The following CCDC172 variants were observed in gnomAD, a reference collection of about 807,000 sequenced individuals.
CCDC172 encodes the protein coiled-coil domain-containing protein 172.
A neutral mutation model predicts 38.0 loss-of-function variants in CCDC172; 30 were observed. That is an observed-to-expected ratio of 0.79 (90% CI 0.59 to 1.07). The LOEUF (loss-of-function observed/expected upper bound fraction) is 1.07. Ranked by LOEUF, CCDC172 falls within the 50% of genes least tolerant of loss-of-function variation. The pLI is 0.00. For synonymous variants in CCDC172, 78 were observed against 88.3 expected (o/e 0.88, Z 0.66); for missense variants, 297 against 290.1 (o/e 1.02, Z -0.17).
At chr10:116,333,938 C>T (rs1301546254) in intron 3 of CCDC172, among the ~76,000 whole-genome samples, 5 of 152,220 alleles carry the variant, frequency 3.3e-5, no homozygotes, top group African/African-American at 7.2e-5. Context: ...AAGAATTTCT[C>T]GTGTAGGCTT....
intron 6 of CCDC172, 56 bp from the exon 7 acceptor site, chr10:116,357,780 A>T: frequency 1.0e-6 from 1 of 953,676 alleles, no homozygotes. Context: ...GAGTGAATAA[A>T]GATAATCTTT....
chr10:116,374,971 C>G (rs1821272463), intron 7 of CCDC172, among the ~76,000 whole-genome samples: 1 of 150,748 alleles, frequency 6.6e-6, no homozygotes, highest in Non-Finnish European at 1.5e-5. Context: ...CTTATCAACA[C>G]CTGGTACTGC....
chr10:116,345,158 T>C (rs1189042107), intron 5 of CCDC172, among the ~76,000 whole-genome samples: 1 of 152,186 alleles, frequency 6.6e-6, no homozygotes, highest in African/African-American at 2.4e-5. Context: ...AAAATAGGCA[T>C]ATAAATAGCT....
chr10:116,354,806 G>A (rs1844974048), intron 5 of CCDC172, among the ~76,000 whole-genome samples: 1 of 152,178 alleles, frequency 6.6e-6, no homozygotes, highest in Admixed American at 6.5e-5. Flanking sequence ...CTTCCAGTAG[G>A]GGCTTGTCTT....
intron 3 of CCDC172, among the ~76,000 whole-genome samples, chr10:116,334,679 A>T (rs1844708464): frequency 6.6e-6 from 1 of 152,012 alleles, no homozygotes; most frequent in African/African-American, 2.4e-5. Context: ...CATTGCAGTG[A>T]TAACTGTATA....
At chr10:116,355,071 A>G (rs1012399130) in intron 5 of CCDC172, among the ~76,000 whole-genome samples, 5 of 152,214 alleles carry the variant, frequency 3.3e-5, no homozygotes, top group Non-Finnish European at 7.3e-5. Context: ...AAAGAAAAAT[A>G]TTTTTAAAGT....
intron 5 of CCDC172, among the ~76,000 whole-genome samples, chr10:116,355,953 T>C (rs1270418022): frequency 6.6e-6 from 1 of 152,086 alleles, no homozygotes; most frequent in African/African-American, 2.4e-5. Context: ...TTGTATACTT[T>C]AAAAGGATGA....
chr10:116,357,133 T>C (rs1845007197), intron 5 of CCDC172, among the ~76,000 whole-genome samples: 1 of 152,160 alleles, frequency 6.6e-6, no homozygotes, highest in Non-Finnish European at 1.5e-5. Context: ...TTTTTCTATT[T>C]CTGTGAAGAA....
intron 7 of CCDC172, among the ~76,000 whole-genome samples, chr10:116,366,439 A>G (rs1845123648): frequency 6.6e-6 from 1 of 152,222 alleles, no homozygotes; most frequent in Non-Finnish European, 1.5e-5. Context: ...TAACCTATAC[A>G]TACATGCACA....
At chr10:116,349,492 A>T (rs1844905615) in intron 5 of CCDC172, among the ~76,000 whole-genome samples, 1 of 152,166 alleles carries the variant, frequency 6.6e-6, no homozygotes, top group Non-Finnish European at 1.5e-5. Flanking sequence ...ATTCCATATT[A>T]GGTCAGCTCT....
At chr10:116,362,144 C>A (rs1035762911) in intron 7 of CCDC172, among the ~76,000 whole-genome samples, 5 of 152,138 alleles carry the variant, frequency 3.3e-5, no homozygotes. Context: ...GAGCCGAGAT[C>A]GCTTTTCATA....
chr10:116,362,937 G>A (rs1845082202), intron 7 of CCDC172, among the ~76,000 whole-genome samples: 1 of 152,090 alleles, frequency 6.6e-6, no homozygotes, highest in African/African-American at 2.4e-5. Context: ...AGTTATTAAA[G>A]CTTCAAAGCA....
At chr10:116,357,787 C>T (rs1845016983) in intron 6 of CCDC172, 49 bp from the exon 7 acceptor site, 1 of 1,011,534 alleles carries the variant, frequency 9.9e-7, no homozygotes, top group African/African-American at 1.7e-5. Context: ...TAAAGATAAT[C>T]TTTATGTTTA....
At chr10:116,333,754 G>A (rs1844694755) in intron 3 of CCDC172, among the ~76,000 whole-genome samples, 1 of 152,144 alleles carries the variant, frequency 6.6e-6, no homozygotes, top group African/African-American at 2.4e-5. Flanking sequence ...CAGCTTTGGA[G>A]GAATAGGAGT....
intron 3 of CCDC172, among the ~76,000 whole-genome samples, chr10:116,330,945 G>T (rs531353896): frequency 1.3e-4 from 20 of 152,020 alleles, no homozygotes; most frequent in Admixed American, 7.9e-4. Context: ...TTGCTATTTT[G>T]CCCAGGCTAG....
In CCDC172 at chr10:116,356,070, C is replaced by T. The variant is rs572503329; in HGVS notation, c.449-1310C>T. On this transcript the variant is annotated intron_variant, in intron 5 of 8. Transcript: ENST00000333254. Reference sequence around the variant, plus strand: ...TATCTGGGCCGGGTGCAGTGGCTCACACCTGTAATCCCAGCACTTTGGGAG... The same window carrying T: ...TATCTGGGCCGGGTGCAGTGGCTCATACCTGTAATCCCAGCACTTTGGGAG... Among the ~76,000 whole-genome samples the T allele has an allele frequency of 3.3e-5, 5 of 152,214 alleles. No individual in the cohort carries two copies. The South Asian group carries it at 1.0e-3, about 32-fold the overall frequency.
At chr10:116,330,725 T>C in intron 3 of CCDC172, among the ~76,000 whole-genome samples, 1 of 152,066 alleles carries the variant, frequency 6.6e-6, no homozygotes, top group East Asian at 1.9e-4. Flanking sequence ...CTTTTTTAAT[T>C]TTTTGTTTTT....
At chr10:116,378,631 G>C in intron 8 of CCDC172, 121 bp downstream of exon 8, 1 of 725,410 alleles carries the variant, frequency 1.4e-6, no homozygotes, top group Non-Finnish European at 2.3e-6. Flanking sequence ...AAACAGAAAA[G>C]CAATAATGAA....
chr10:116,352,647 C>T (rs1242459736), intron 5 of CCDC172, among the ~76,000 whole-genome samples: 1 of 151,872 alleles, frequency 6.6e-6, no homozygotes, highest in Non-Finnish European at 1.5e-5. Context: ...TAGAAAAACC[C>T]ACAGCTAATG....
Sources: allele counts gnomAD v4.1 joint callset (sites outside exome capture counted in the v4.1 genomes callset), GRCh38; gene constraint gnomAD v4.1.1; transcripts MANE v1.5; gene names NCBI Gene and HGNC (gene_info 2026-07-23, HGNC 2026-07-21).